ITGA11: variants seen among roughly 807,000 people sequenced by gnomAD.
The protein encoded by ITGA11 is integrin subunit alpha 11.
A neutral mutation model predicts 141.9 loss-of-function variants in ITGA11; 97 were observed. That is an observed-to-expected ratio of 0.68 (90% CI 0.58 to 0.81). The LOEUF (loss-of-function observed/expected upper bound fraction) is 0.81. ITGA11 is among the 30% of genes least tolerant of loss of function. The probability of loss-of-function intolerance (pLI) is 0.00; values close to 1 mark genes in which losing one functional copy is unlikely to be tolerated. For synonymous variants in ITGA11, 658 were observed against 624.6 expected (o/e 1.05, Z -0.80); for missense variants, 1,387 against 1,559.2 (o/e 0.89, Z 1.86).
At chr15:68,313,000 G>C (rs1285999649) in intron 23 of ITGA11, 137 bp from the exon 24 acceptor site, 1 of 627,990 alleles carries the variant, frequency 1.6e-6, no homozygotes, top group African/African-American at 1.8e-5. Context: ...TCGGCTGGGA[G>C]TGAGTGTCAT....
Position 68,357,200 on chromosome 15 carries a change from G to T in ITGA11, c.700C>A (p.Gln234Lys), listed in dbSNP as rs1595875732. Residue 234 changes from glutamine (Q) to lysine (K), a missense_variant, in exon 7 of 30, where the codon CAG becomes AAG. Physicochemically the swap from Gln to Lys is moderately conservative, Grantham distance 53. Coordinates refer to ENST00000315757, the MANE Select transcript of ITGA11 (RefSeq NM_001004439.2). ...DVVEAASHIE[Q>K]RGGTETRTAF... ...GTCCGGGTCTCTGTTCCTCCTCTCTGCTCAATGTGGCTGGCAGCTTCCACC... is the reference window on the plus strand; with the variant it reads ...GTCCGGGTCTCTGTTCCTCCTCTCTTCTCAATGTGGCTGGCAGCTTCCACC... 6.2e-7 allele frequency: 1 copy of T among 1,613,762 alleles called. No individual in the cohort carries two copies. The highest frequency in any genetic ancestry group is 8.5e-7 in the Non-Finnish European group (1 of 1,179,860).
chr15:68,431,437 A>G (rs1316861420), intron 1 of ITGA11, among the ~76,000 whole-genome samples: 1 of 152,062 alleles, frequency 6.6e-6, no homozygotes, highest in Non-Finnish European at 1.5e-5. Flanking sequence ...GGCAGACGAG[A>G]GCTAGCCCCC....
Position 68,331,130 on chromosome 15 carries a change from G to C in ITGA11, c.1771-19C>G, listed in dbSNP as rs961941356. On this transcript the variant is annotated intron_variant, in intron 14 of 29. Coordinates refer to ENST00000315757, the MANE Select transcript of ITGA11 (RefSeq NM_001004439.2). ...TGATTCTCTGCAGGGCGCGGGAAGA[G>C]AGGGGGAGGGCATGCACACTGTGAG... 1.1e-5 allele frequency: 18 copies of C among 1,575,686 alleles called. No homozygotes were observed. In the Admixed American group the frequency reaches 1.5e-4, roughly 13 times the overall value.
intron 1 of ITGA11, among the ~76,000 whole-genome samples, chr15:68,430,355 C>T (rs910381091): frequency 3.9e-5 from 6 of 152,174 alleles, no homozygotes; most frequent in Admixed American, 6.5e-5. Context: ...TTACAGGACA[C>T]GGAATTTGTG....
At chr15:68,419,997 C>A (rs1195717585) in intron 1 of ITGA11, among the ~76,000 whole-genome samples, 5 of 152,176 alleles carry the variant, frequency 3.3e-5, no homozygotes, top group African/African-American at 4.8e-5. Flanking sequence ...CAGACTCAGT[C>A]TCTCCACCTG....
chr15:68,325,012 A>G lies in ITGA11; in HGVS notation c.2322+119T>C. On this transcript the variant is annotated intron_variant, in intron 18 of 29. Transcript: ENST00000315757. This position sits in a 1 kb window ranked among gnomAD's most constrained non-coding sequence, Gnocchi z 5.5. Reference sequence around the variant, plus strand: ...GGGTTTGCCAGGACAGGAGGTGGGAAGGTGAGATGAGGGATGGTGTCCTCT... The same window carrying G: ...GGGTTTGCCAGGACAGGAGGTGGGAGGGTGAGATGAGGGATGGTGTCCTCT... The G allele has an allele frequency of 1.4e-6, 1 of 723,330 alleles. No homozygotes were observed. 44.8% of individuals were successfully genotyped at this position (723,330 alleles called of 1,614,324 possible).
chr15:68,364,657 A>ACCCC, intron 4 of ITGA11, 50 bp downstream of exon 4: 1 of 671,324 alleles, frequency 1.5e-6, no homozygotes, highest in Non-Finnish European at 2.7e-6. Context: ...ACCCCTCCCC[A>ACCCC]CCCCCACCCC....
chr15:68,311,495 A>G (rs560912067), intron 24 of ITGA11, 92 bp from the exon 25 acceptor site: 168 of 841,700 alleles, frequency 2.0e-4, no homozygotes, highest in Non-Finnish European at 2.8e-4. Context: ...GGGGGTGGCA[A>G]TTCCCCCATC....
At chr15:68,361,320 T>C (rs991279990) in intron 5 of ITGA11, among the ~76,000 whole-genome samples, 3 of 152,186 alleles carry the variant, frequency 2.0e-5, no homozygotes, top group Non-Finnish European at 2.9e-5. Flanking sequence ...CCAGGGTTTC[T>C]GCAGTGAGCC....
rs1012799572 is a variant in ITGA11 at position 68,325,562 on chromosome 15, T to C, written c.2212-321A>G. ...TCTGGGAAGCCTGGCAGTGCCCGCC[T>C]GTATCCCACCCCACCCACCACTCTC... On this transcript the variant is annotated intron_variant, in intron 17 of 29. Coordinates refer to ENST00000315757, the MANE Select transcript of ITGA11 (RefSeq NM_001004439.2). This position sits in a 1 kb window ranked among gnomAD's most constrained non-coding sequence, Gnocchi z 5.5. Among the ~76,000 whole-genome samples the C allele has an allele frequency of 6.6e-6, 1 of 152,208 alleles. No individual in the cohort carries two copies. Among genetic ancestry groups the C allele is most frequent in the African/African-American group, 2.4e-5 (1 of 41,468 alleles).
rs149415768 is a variant in ITGA11 at position 68,330,364 on chromosome 15, G to A, written c.1901+617C>T. Among the ~76,000 whole-genome samples the A allele has an allele frequency of 3.8e-3, 579 of 152,146 alleles. 1 individual carries two copies. Among genetic ancestry groups the A allele is most frequent in the African/African-American group, 0.011 (444 of 41,456 alleles). On this transcript the variant is annotated intron_variant, in intron 15 of 29. Transcript: ENST00000315757. The stretch of plus-strand genomic sequence containing the variant: ...GGAGATATACCACAGCATTAATAGT[G>A]GCATTGTTAAGGTGATGGCAGGCTG...
At chr15:68,334,791 A>C (rs570325334) in intron 12 of ITGA11, among the ~76,000 whole-genome samples, 2 of 152,114 alleles carry the variant, frequency 1.3e-5, no homozygotes, top group Non-Finnish European at 2.9e-5. Context: ...AAAATGTCAT[A>C]AATTCATCAG....
rs866833652 is a variant in ITGA11 at position 68,297,687 on chromosome 15, C to T, written c.*5372G>A. Reference sequence around the variant, plus strand: ...TTTTGGATGTCCCAGATACACTAATCGTTTGCAAGTAACAATAATATGGCA... The same window carrying T: ...TTTTGGATGTCCCAGATACACTAATTGTTTGCAAGTAACAATAATATGGCA... On this transcript the variant is annotated 3_prime_UTR_variant, in exon 30 of 30. Coordinates refer to ENST00000315757, the MANE Select transcript of ITGA11 (RefSeq NM_001004439.2). 2.0e-5 allele frequency: 3 copies of T among 152,034 alleles called. No individual in the cohort carries two copies. The highest frequency in any genetic ancestry group is 4.1e-4 in the South Asian group (2 of 4,822). The allele number at this position is 152,034 out of a possible 1,614,324, so 9.4% of individuals were successfully genotyped here.
At position 68,364,898 on chromosome 15, in the gene ITGA11, C is replaced by G. The variant is rs1301900152; in HGVS notation, c.266-100G>C. The G allele has an allele frequency of 2.6e-6, 3 of 1,159,602 alleles. No individual in the cohort carries two copies. The African/African-American group carries it at 4.6e-5, about 18-fold the overall frequency. 71.8% of individuals were successfully genotyped at this position (1,159,602 alleles called of 1,614,324 possible). A position where few individuals can be genotyped will look rare whatever the true frequency, so the allele number is the denominator to read the frequency against. On this transcript the variant is annotated intron_variant, in intron 3 of 29. Coordinates refer to ENST00000315757, the MANE Select transcript of ITGA11 (RefSeq NM_001004439.2). ...TCACCCGAGGTGCCTCCCCGATTCT[C>G]CCTGACCCTGGGGACCTCTGGCTCT...
chr15:68,355,852 A>C (rs1051205115), intron 7 of ITGA11, among the ~76,000 whole-genome samples: 1 of 152,146 alleles, frequency 6.6e-6, no homozygotes, highest in Non-Finnish European at 1.5e-5. Flanking sequence ...CAAATGCAGC[A>C]GAATTCATAT....
At chr15:68,403,198 G>A (rs1337952312) in intron 1 of ITGA11, among the ~76,000 whole-genome samples, 169 bp from the exon 2 acceptor site, 1 of 152,186 alleles carries the variant, frequency 6.6e-6, no homozygotes, top group African/African-American at 2.4e-5. Context: ...GGCTGATGTA[G>A]TCCTTGCCTG....
At position 68,334,133 on chromosome 15, in the gene ITGA11, G is replaced by A. The variant is rs72743231; in HGVS notation, c.1425+1564C>T. On this transcript the variant is annotated intron_variant, in intron 12 of 29. Transcript: ENST00000315757. ...ACTCCCTCTGCTGGGAGCCTCATGA[G>A]GGCAGGCATTGAGCCTGCTGTGTTC... 6.5e-3 allele frequency among the ~76,000 whole-genome samples: 994 copies of A among 152,316 alleles called. 7 individuals carry two copies. The highest frequency in any genetic ancestry group is 0.01 in the Non-Finnish European group (686 of 68,012).
At position 68,324,003 on chromosome 15, in the gene ITGA11, C is replaced by T. The variant is rs1409603533; in HGVS notation, c.2322+1128G>A. Among the ~76,000 whole-genome samples, 1 of 152,180 alleles carries T rather than the reference C, an allele frequency of 6.6e-6. No homozygotes were observed. Among genetic ancestry groups the T allele is most frequent in the Non-Finnish European group, 1.5e-5 (1 of 68,040 alleles). On this transcript the variant is annotated intron_variant, in intron 18 of 29. Coordinates refer to ENST00000315757, the MANE Select transcript of ITGA11 (RefSeq NM_001004439.2). The surrounding 1 kb of genome is among the most constrained non-coding windows in gnomAD (Gnocchi z 6.3). ...GCTTGTGGGGTGAGTGCCACGTACTCATTCATTTGCCATAGTGACTTTGTA... is the reference window on the plus strand; with the variant it reads ...GCTTGTGGGGTGAGTGCCACGTACTTATTCATTTGCCATAGTGACTTTGTA...
At chr15:68,428,521 T>C (rs1595903795) in intron 1 of ITGA11, among the ~76,000 whole-genome samples, 3 of 152,066 alleles carry the variant, frequency 2.0e-5, no homozygotes, top group South Asian at 4.2e-4. Context: ...AGAGTGAGAC[T>C]CCAGGGTCTG....
Sources: allele counts gnomAD v4.1 joint callset (sites outside exome capture counted in the v4.1 genomes callset), GRCh38; gene constraint gnomAD v4.1.1; non-coding constraint Gnocchi (gnomAD v3.1); transcripts MANE v1.5; gene names NCBI Gene and HGNC (gene_info 2026-07-23, HGNC 2026-07-21).